Variants in SPARCL1 observed in about 807,000 individuals in gnomAD.
SPARCL1 encodes SPARC-like protein 1.
SPARCL1 carries 52 observed loss-of-function variants against 67.1 expected under a neutral mutation model. The observed-to-expected ratio is 0.78, with a 90% CI of 0.62 to 0.98. The LOEUF (loss-of-function observed/expected upper bound fraction) is 0.98, where lower values mean the gene tolerates loss of function less well. SPARCL1 is among the 50% of genes least tolerant of loss of function. SPARCL1 has a pLI of 0.00. For synonymous variants in SPARCL1, 226 were observed against 267.8 expected, an observed-to-expected ratio of 0.84 and a Z score of 1.52; for missense variants, 717 against 782.4, an observed-to-expected ratio of 0.92 and a Z score of 1.00.
chr4:87,478,389 G>A (rs1221126605), intron 10 of SPARCL1, among the ~76,000 whole-genome samples: 3 of 151,788 alleles, frequency 2.0e-5, no homozygotes, highest in African/African-American at 7.3e-5. Context: ...GTGTGTGTGT[G>A]TGGTGAGAAT....
In SPARCL1 at chr4:87,526,301, G is replaced by C. The variant is rs189596857; in HGVS notation, c.-12+2744C>G. ...GTCCGATTTACTTTTACATTTCTTT[G>C]GATAAAAAAGGCAATTCAAAGAATA... On this transcript the variant is annotated intron_variant, in intron 1 of 10. Coordinates refer to ENST00000282470, the MANE Select transcript of SPARCL1 (RefSeq NM_004684.6). Among the ~76,000 whole-genome samples, 384 of 152,046 alleles carry C rather than the reference G, an allele frequency of 2.5e-3. 2 individuals carry two copies. Among genetic ancestry groups the C allele is most frequent in the South Asian group, 0.021 (102 of 4,808 alleles).
intron 1 of SPARCL1, among the ~76,000 whole-genome samples, chr4:87,526,582 A>T (rs1229761234): frequency 6.6e-6 from 1 of 152,206 alleles, no homozygotes; most frequent in Non-Finnish European, 1.5e-5. Flanking sequence ...TAACTGCCAA[A>T]GCTTACACTG....
chr4:87,502,769 G>C (rs1724904657), intron 1 of SPARCL1, among the ~76,000 whole-genome samples: 3 of 152,160 alleles, frequency 2.0e-5, no homozygotes. Flanking sequence ...TTTGCAGTGA[G>C]TCACTAGAAA....
intron 1 of SPARCL1, among the ~76,000 whole-genome samples, chr4:87,521,130 C>T (rs550499303): frequency 1.9e-4 from 29 of 152,164 alleles, no homozygotes; most frequent in African/African-American, 5.8e-4. Context: ...AAGATTAGGT[C>T]GAAGTAGATA....
intron 3 of SPARCL1, 48 bp from the exon 4 acceptor site, chr4:87,494,646 A>C (rs752052112): frequency 7.1e-7 from 1 of 1,404,696 alleles, no homozygotes; most frequent in Admixed American, 2.3e-5. Flanking sequence ...TAATGTAACC[A>C]TATTTATGCC....
intron 1 of SPARCL1, among the ~76,000 whole-genome samples, chr4:87,506,681 C>T (rs950744914): frequency 1.3e-5 from 2 of 152,164 alleles, no homozygotes; most frequent in East Asian, 3.8e-4. Context: ...GGGAACTATA[C>T]AATTGGCTCT....
chr4:87,495,075 G>A lies in SPARCL1; in HGVS notation c.107C>T (p.Ala36Val). The change falls in exon 3 of 11, where the codon GCA becomes GTA. Residue 36 changes from alanine to valine, a missense_variant. By Grantham distance (64) the Ala-to-Val change is moderately conservative. Coordinates refer to ENST00000282470, the MANE Select transcript of SPARCL1 (RefSeq NM_004684.6). ...ACTGGGGATTGCAGTGTTGTCAGGT[G>A]CTACCGTTTCAGCAGTTGGTTTGGA... ...DHSKPTAETV[A>V]PDNTAIPSLR... 1.9e-6 allele frequency: 3 copies of A among 1,611,784 alleles called. No individual in the cohort carries two copies. The highest frequency in any genetic ancestry group is 1.7e-4 in the Middle Eastern group (1 of 6,058).
chr4:87,504,920 T>C (rs1421452231), intron 1 of SPARCL1: 1 of 152,204 alleles, frequency 6.6e-6, no homozygotes, highest in African/African-American at 2.4e-5. Context: ...AAACATCTTA[T>C]GGCCTAAACA....
chr4:87,495,790 G>T (rs540716947), intron 2 of SPARCL1, among the ~76,000 whole-genome samples: 1 of 152,124 alleles, frequency 6.6e-6, no homozygotes. Flanking sequence ...AATTAGCTGG[G>T]TGTGGTGGTG....
chr4:87,521,154 T>G (rs1317829200), intron 1 of SPARCL1, among the ~76,000 whole-genome samples: 1 of 152,252 alleles, frequency 6.6e-6, no homozygotes, highest in Non-Finnish European at 1.5e-5. Context: ...GTATTTGATT[T>G]ATTTTCAGTT....
intron 1 of SPARCL1, among the ~76,000 whole-genome samples, chr4:87,511,370 G>C (rs532311376): frequency 2.0e-5 from 3 of 152,186 alleles, no homozygotes; most frequent in Non-Finnish European, 4.4e-5. Context: ...ATAGGAGGAA[G>C]GTTTGGTTTT....
At chr4:87,506,236 A>G (rs751455093) in intron 1 of SPARCL1, among the ~76,000 whole-genome samples, 21 of 152,188 alleles carry the variant, frequency 1.4e-4, no homozygotes, top group Non-Finnish European at 2.8e-4. Flanking sequence ...TGCCATCTAT[A>G]TGATCTTTGG....
chr4:87,494,511 A>G lies in SPARCL1; in HGVS notation c.289T>C (p.Leu97=), dbSNP rs1214878828. The G allele has an allele frequency of 7.4e-6, 12 of 1,614,006 alleles. No individual in the cohort carries two copies. The highest frequency in any genetic ancestry group is 1.0e-5 in the Non-Finnish European group (12 of 1,180,032). ...CCATCACTGTCCTCTTGATCCTTCA[A>G]TCCCAGCTCTTGGCTAGAACTCTTG... The part of the protein sequence containing the change: ...QGKSSSQELG[L]KDQEDSDGHL... The change falls in exon 4 of 11, where the codon TTG becomes CTG. Residue 97 remains leucine, a synonymous_variant. Transcript: ENST00000282470.
At chr4:87,525,463 C>T (rs1726002001) in intron 1 of SPARCL1, among the ~76,000 whole-genome samples, 1 of 152,162 alleles carries the variant, frequency 6.6e-6, no homozygotes. Context: ...AACCACTACA[C>T]CATAGCACAT....
chr4:87,525,915 G>A (rs954979817), intron 1 of SPARCL1, among the ~76,000 whole-genome samples: 13 of 151,694 alleles, frequency 8.6e-5, no homozygotes, highest in Admixed American at 2.0e-4. Context: ...GAACATAGGG[G>A]AGAGGTTTAC....
At chr4:87,475,502 C>G (rs2110208129) in intron 10 of SPARCL1, among the ~76,000 whole-genome samples, 1 of 152,264 alleles carries the variant, frequency 6.6e-6, no homozygotes, top group African/African-American at 2.4e-5. Flanking sequence ...TCATGTAACT[C>G]AATGCGTTTT....
intron 1 of SPARCL1, among the ~76,000 whole-genome samples, chr4:87,503,676 T>G (rs990806888): frequency 1.6e-5 from 2 of 122,960 alleles, no homozygotes; most frequent in Admixed American, 8.1e-5. Flanking sequence ...TGAAGTTTTT[T>G]TTTTTCCTTT....
intron 1 of SPARCL1, among the ~76,000 whole-genome samples, chr4:87,516,578 A>T (rs558215424): frequency 6.6e-6 from 1 of 152,174 alleles, no homozygotes; most frequent in Admixed American, 6.5e-5. Flanking sequence ...CCCATCTGTG[A>T]CCCTCACCTC....
At chr4:87,513,363 C>T (rs1247768454) in intron 1 of SPARCL1, among the ~76,000 whole-genome samples, 1 of 152,202 alleles carries the variant, frequency 6.6e-6, no homozygotes, top group Non-Finnish European at 1.5e-5. Context: ...GACTCAGTAT[C>T]CAATATTCTC....
Sources: allele counts gnomAD v4.1 joint callset (sites outside exome capture counted in the v4.1 genomes callset), GRCh38; gene constraint gnomAD v4.1.1; transcripts MANE v1.5; gene names NCBI Gene and HGNC (gene_info 2026-07-23, HGNC 2026-07-21).